Variants in OARD1 observed in about 807,000 individuals in gnomAD.
OARD1 encodes ADP-ribose glycohydrolase OARD1.
In OARD1, 19 loss-of-function variants were observed where a neutral mutation model predicts 19.7. The observed-to-expected ratio is 0.96, with a 90% CI of 0.67 to 1.41. The LOEUF (loss-of-function observed/expected upper bound fraction) is 1.41, where lower values mean the gene tolerates loss of function less well. Among genes scored for constraint, OARD1 ranks in the 40% most tolerant of loss-of-function variants. OARD1 has a pLI of 0.00. For missense variants in OARD1, 190 were observed against 183.8 expected (o/e 1.03, Z -0.20); for synonymous variants, 70 against 61.8 (o/e 1.13, Z -0.62).
Position 41,090,204 on chromosome 6 carries a change from A to G in OARD1, c.-42+7509T>C, listed in dbSNP as rs1764163248. The G allele has an allele frequency of 2.5e-6, 4 of 1,605,194 alleles. No individual in the cohort carries two copies. In the African/African-American group the frequency reaches 4.0e-5, roughly 16 times the overall value. On this transcript the variant is annotated intron_variant, in intron 1 of 4. Transcript: ENST00000480585. ...TTGTGTCATTACTTATTTCCTCCAG[A>G]CACAGCAGCAGATTGCTGTCCAGGG...
At chr6:41,067,588 C>CTTT in intron 5 of OARD1, 151 bp from the exon 6 acceptor site, 1 of 577,908 alleles carries the variant, frequency 1.7e-6, no homozygotes, top group Non-Finnish European at 3.1e-6. Context: ...GAAGTCAATT[C>CTTT]TTGTTGTGAG....
At chr6:41,084,966 AAAAG>A (rs1203528071) in intron 1 of OARD1, among the ~76,000 whole-genome samples, 1 of 152,260 alleles carries the variant, frequency 6.6e-6, no homozygotes, top group Admixed American at 6.5e-5. Context: ...GTCTCAAAAA[AAAAG>A]AAGAGATTAA....
At chr6:41,092,567 AC>A (rs1582035515) in intron 1 of OARD1, among the ~76,000 whole-genome samples, 1 of 152,122 alleles carries the variant, frequency 6.6e-6, no homozygotes, top group East Asian at 1.9e-4. Flanking sequence ...ATTTAGTAGC[AC>A]TTGGTCTATC....
chr6:41,086,219 C>A (rs1380484802), intron 1 of OARD1, among the ~76,000 whole-genome samples: 1 of 152,134 alleles, frequency 6.6e-6, no homozygotes, highest in Admixed American at 6.5e-5. Flanking sequence ...GCTTTCATTA[C>A]CAGGTCTGCC....
intron 1 of OARD1, chr6:41,090,422 CA>C (rs368610238): frequency 0.16 from 65,325 of 411,796 alleles, 16 homozygotes; most frequent in South Asian, 0.22. Context: ...ATTTTTTGGA[CA>C]AAAAAAAAAA....
chr6:41,097,267 T>C, intron 1 of OARD1: 1 of 1,151,924 alleles, frequency 8.7e-7, no homozygotes. Flanking sequence ...TAAAGTTATG[T>C]GTATTCTCTT....
upstream of OARD1, among the ~76,000 whole-genome samples, chr6:41,076,612 A>C (rs2114084096): frequency 6.6e-6 from 1 of 152,360 alleles, no homozygotes; most frequent in Admixed American, 6.5e-5. Context: ...AATTGCACTG[A>C]GAAGAGAATG....
intron 1 of OARD1, among the ~76,000 whole-genome samples, chr6:41,083,748 A>C (rs980556368): frequency 6.6e-6 from 1 of 152,210 alleles, no homozygotes; most frequent in African/African-American, 2.4e-5. Context: ...CATTATGATT[A>C]AATGTTTGTC....
rs7761413 is a variant in OARD1 at position 41,092,576 on chromosome 6, A to G, written c.-42+5137T>C. ...ATAGGCATTTAGTAGCACTTGGTCT[A>G]TCTATTTTTGTGCTGTTTTTTTGTC... On this transcript the variant is annotated intron_variant, in intron 1 of 4. Coordinates refer to the OARD1 transcript ENST00000480585. 1.3e-5 allele frequency among the ~76,000 whole-genome samples: 2 copies of G among 152,178 alleles called. 1 individual carries two copies. The highest frequency in any genetic ancestry group is 4.1e-4 in the South Asian group (2 of 4,824).
upstream of OARD1, among the ~76,000 whole-genome samples, chr6:41,077,323 A>G (rs1000686367): frequency 6.6e-6 from 1 of 152,158 alleles, no homozygotes; most frequent in Non-Finnish European, 1.5e-5. Flanking sequence ...TGCTACCACA[A>G]TGAAGATATA....
At position 41,069,796 on chromosome 6, in the gene OARD1, T is replaced by G. The variant is rs959946941; in HGVS notation, c.243+280A>C. The stretch of plus-strand genomic sequence containing the variant: ...CCTAGGAAATATAGTATGGCAGGCA[T>G]TCCTAACTTTTGCAAGTCTTAGAAC... On this transcript the variant is annotated intron_variant, in intron 4 of 5. Transcript: ENST00000424266. The G allele has an allele frequency of 9.2e-6, 4 of 434,750 alleles. No individual in the cohort carries two copies. In the South Asian group the frequency reaches 1.1e-4, roughly 11 times the overall value. The allele number at this position is 434,750 out of a possible 1,614,324, so 26.9% of individuals were successfully genotyped here.
chr6:41,097,045 T>C (rs1764377433), intron 1 of OARD1, among the ~76,000 whole-genome samples: 1 of 152,218 alleles, frequency 6.6e-6, no homozygotes, highest in African/African-American at 2.4e-5. Context: ...GACACCTGAA[T>C]CTGAATACTC....
At chr6:41,083,061 A>T (rs1422158202) in intron 1 of OARD1, among the ~76,000 whole-genome samples, 1 of 152,354 alleles carries the variant, frequency 6.6e-6, no homozygotes, top group Non-Finnish European at 1.5e-5. Context: ...TCAGTCATGA[A>T]TATTCTGTTC....
At chr6:41,069,198 A>ATT (rs1763191537) in intron 4 of OARD1, 2 of 322,190 alleles carry the variant, frequency 6.2e-6, no homozygotes, top group Non-Finnish European at 1.1e-5. Context: ...TTCCTAGGAA[A>ATT]CCCATGAGAT....
At position 41,067,182 on chromosome 6, in the gene OARD1, A is replaced by G. The variant is rs1283741990; in HGVS notation, c.*153T>C. On this transcript the variant is annotated 3_prime_UTR_variant, in exon 6 of 6. Transcript: ENST00000424266. ...AAGCCCTCCTCCACAGTCATAATCCAAATACTTGAATACAGCAACCAAAGT... is the reference window on the plus strand; with the variant it reads ...AAGCCCTCCTCCACAGTCATAATCCGAATACTTGAATACAGCAACCAAAGT... 3 of 491,136 alleles carry G rather than the reference A, an allele frequency of 6.1e-6. No individual in the cohort carries two copies. Among genetic ancestry groups the G allele is most frequent in the Non-Finnish European group, 1.1e-5 (3 of 265,212 alleles). The allele number at this position is 491,136 out of a possible 1,614,324, so 30.4% of individuals were successfully genotyped here.
intron 5 of OARD1, 34 bp from the exon 6 acceptor site, chr6:41,067,471 C>A: frequency 2.1e-6 from 3 of 1,416,826 alleles, no homozygotes; most frequent in East Asian, 4.6e-5. Flanking sequence ...TTGATGGTAA[C>A]GAAAGTATCT....
chr6:41,069,263 G>A (rs1763196372), intron 4 of OARD1: 1 of 188,588 alleles, frequency 5.3e-6, no homozygotes. Flanking sequence ...AAGTCTCTGT[G>A]CCACTTCCAA....
chr6:41,069,884 C>G, intron 4 of OARD1, 192 bp downstream of exon 4: 2 of 648,264 alleles, frequency 3.1e-6, no homozygotes, highest in South Asian at 3.3e-5. Flanking sequence ...ACATTTCTTT[C>G]TAACCCAGTG....
At chr6:41,084,388 A>T (rs1033290548) in intron 1 of OARD1, among the ~76,000 whole-genome samples, 1 of 152,232 alleles carries the variant, frequency 6.6e-6, no homozygotes, top group Non-Finnish European at 1.5e-5. Context: ...TCCAGTAATG[A>T]CTAAGATATT....
Sources: allele counts gnomAD v4.1 joint callset (sites outside exome capture counted in the v4.1 genomes callset), GRCh38; gene constraint gnomAD v4.1.1; transcripts MANE v1.5; gene names NCBI Gene and HGNC (gene_info 2026-07-23, HGNC 2026-07-21).